Variants in ACAD8 observed in about 807,000 individuals in gnomAD.
The protein encoded by ACAD8 is acyl-CoA dehydrogenase family member 8, also known as isobutyryl-CoA dehydrogenase, mitochondrial.
In ACAD8, 47 loss-of-function variants were observed where a neutral mutation model predicts 53.1. The observed-to-expected ratio is 0.89, with a 90% CI of 0.70 to 1.13. ACAD8 has a LOEUF of 1.13. Ranked by LOEUF, ACAD8 falls within the 50% of genes most tolerant of loss-of-function variation. The pLI is 0.00. For missense variants in ACAD8, 494 were observed against 535.0 expected, an observed-to-expected ratio of 0.92 and a Z score of 0.76; for synonymous variants, 198 against 201.3, an observed-to-expected ratio of 0.98 and a Z score of 0.14.
At chr11:134,256,758 C>T (rs555050559) in intron 2 of ACAD8, 110 bp downstream of exon 2, 3 of 974,840 alleles carry the variant, frequency 3.1e-6, no homozygotes, top group Non-Finnish European at 4.6e-6. Flanking sequence ...CTTACCAACT[C>T]TTACTGCAAG....
chr11:134,258,643 A>C lies in ACAD8; in HGVS notation c.490+19A>C. 1 of 1,551,734 alleles carries C rather than the reference A, an allele frequency of 6.4e-7. No homozygotes were observed. The highest frequency in any genetic ancestry group is 8.9e-7 in the Non-Finnish European group (1 of 1,124,784). On this transcript the variant is annotated intron_variant, in intron 4 of 10. Coordinates refer to ENST00000281182, the MANE Select transcript of ACAD8 (RefSeq NM_014384.3). Reference sequence around the variant, plus strand: ...GAACCAGGTGAATTTGCCACACTGCACTGAGATATAGCAGGGAGAGATGCT... The same window carrying C: ...GAACCAGGTGAATTTGCCACACTGCCCTGAGATATAGCAGGGAGAGATGCT...
intron 1 of ACAD8, 126 bp downstream of exon 1, chr11:134,253,835 C>T (rs1231194365): frequency 8.9e-6 from 9 of 1,007,972 alleles, no homozygotes; most frequent in African/African-American, 1.6e-5. Context: ...CGGCCAGTCA[C>T]CCCCCCGGCC....
intron 5 of ACAD8, 54 bp downstream of exon 5, chr11:134,259,138 T>C (rs1253433347): frequency 1.3e-6 from 2 of 1,510,384 alleles, no homozygotes; most frequent in Admixed American, 3.3e-5. Flanking sequence ...AGCTTCCTCC[T>C]GACATCCTCT....
In ACAD8 at chr11:134,261,580, C is replaced by T. The variant is rs1431694852; in HGVS notation, c.940-158C>T. The T allele has an allele frequency of 1.9e-6, 3 of 1,541,724 alleles. No individual in the cohort carries two copies. Among genetic ancestry groups the T allele is most frequent in the Non-Finnish European group, 2.6e-6 (3 of 1,147,982 alleles). ...TCGGGTGAGTGAAGTGGACTTAGCA[C>T]TTAAAAGCAATAAATTTCCTCTATA... On this transcript the variant is annotated intron_variant, in intron 8 of 10. Transcript: ENST00000281182. This position sits in a 1 kb window ranked among gnomAD's most constrained non-coding sequence, Gnocchi z 4.2.
At chr11:134,260,880 C>A in intron 6 of ACAD8, 164 bp from the exon 7 acceptor site, 2 of 729,148 alleles carry the variant, frequency 2.7e-6, no homozygotes, top group Non-Finnish European at 2.3e-6. Context: ...TTTCTGAGTG[C>A]TGACAGGCCT....
In ACAD8 at chr11:134,258,527, G is replaced by C; in HGVS notation, c.393G>C (p.Trp131Cys). The change falls in exon 4 of 11, where the codon TGG becomes TGC. Residue 131 changes from tryptophan to cysteine, a missense_variant. By Grantham distance (215) the Trp-to-Cys change is radical. Coordinates refer to ENST00000281182, the MANE Select transcript of ACAD8 (RefSeq NM_014384.3). ...GTGTACCTATCAGCATGTGTGCCTG[G>C]ATGATTGATAGCTTCGGAAATGAGG... Reference protein sequence around the residue: ...AYISIHNMCAWMIDSFGNEEQ... With the variant: ...AYISIHNMCACMIDSFGNEEQ... The C allele has an allele frequency of 1.9e-6, 3 of 1,612,988 alleles. No homozygotes were observed. The highest frequency in any genetic ancestry group is 1.7e-6 in the Non-Finnish European group (2 of 1,179,286).
chr11:134,253,754 G>A (rs1212336607), intron 1 of ACAD8, 45 bp downstream of exon 1: 17 of 1,532,376 alleles, frequency 1.1e-5, no homozygotes, highest in African/African-American at 4.1e-5. Context: ...CCAGAACCCC[G>A]GCGGACATAT....
In ACAD8 at chr11:134,253,721, C is replaced by T. The variant is rs1939265874; in HGVS notation, c.109+12C>T. 1.9e-6 allele frequency: 3 copies of T among 1,583,360 alleles called. No homozygotes were observed. The highest frequency in any genetic ancestry group is 2.7e-5 in the African/African-American group (2 of 74,248). ...CTCCTGCATCGACCGTAAGGATCTC[C>T]TGGCGGGCAGTAGGACAGGTGTCCA... On this transcript the variant is annotated intron_variant, in intron 1 of 10. Coordinates refer to ENST00000281182, the MANE Select transcript of ACAD8 (RefSeq NM_014384.3).
chr11:134,262,047 T>A, intron 9 of ACAD8, 157 bp downstream of exon 9: 1 of 873,758 alleles, frequency 1.1e-6, no homozygotes, highest in Non-Finnish European at 1.8e-6. Flanking sequence ...GAGCGGCCTA[T>A]GTGGGAGCTC....
At chr11:134,258,215 C>A in intron 3 of ACAD8, 1 of 428,578 alleles carries the variant, frequency 2.3e-6, no homozygotes, top group Non-Finnish European at 4.4e-6. Flanking sequence ...ATAGAAACTA[C>A]TAATAGAAAG....
At chr11:134,254,346 G>A (rs1000054002) in intron 1 of ACAD8, among the ~76,000 whole-genome samples, 58 of 152,152 alleles carry the variant, frequency 3.8e-4, no homozygotes, top group Admixed American at 3.7e-3. Context: ...AATTATTATT[G>A]CCAGTGGGAA....
At position 134,261,666 on chromosome 11, in the gene ACAD8, A is replaced by G. The variant is rs1027280394; in HGVS notation, c.940-72A>G. The G allele has an allele frequency of 1.2e-6, 2 of 1,605,456 alleles. No homozygotes were observed. Among genetic ancestry groups the G allele is most frequent in the African/African-American group, 2.7e-5 (2 of 74,860 alleles). On this transcript the variant is annotated intron_variant, in intron 8 of 10. Coordinates refer to ENST00000281182, the MANE Select transcript of ACAD8 (RefSeq NM_014384.3). This position sits in a 1 kb window ranked among gnomAD's most constrained non-coding sequence, Gnocchi z 4.2. ...AGAAAAGGCGCCTCCGAGATGTCTTACCGAGGCTCCTGCACCAGGTGCTGG... is the reference window on the plus strand; with the variant it reads ...AGAAAAGGCGCCTCCGAGATGTCTTGCCGAGGCTCCTGCACCAGGTGCTGG...
Position 134,257,075 on chromosome 11 carries a change from C to T in ACAD8, c.211-13C>T, listed in dbSNP as rs1939575847. The T allele has an allele frequency of 1.9e-6, 3 of 1,614,012 alleles. No homozygotes were observed. The highest frequency in any genetic ancestry group is 4.5e-5 in the East Asian group (2 of 44,878). On this transcript the variant is annotated splice_polypyrimidine_tract_variant and intron_variant, in intron 2 of 10. Coordinates refer to ENST00000281182, the MANE Select transcript of ACAD8 (RefSeq NM_014384.3). ...AATCAGCTGCTGATCACCCTGCTCT[C>T]TTTTGTACATAGGAGCTGTTCCCAG...
Position 134,258,538 on chromosome 11 carries a change from G to C in ACAD8, c.404G>C (p.Ser135Thr), listed in dbSNP as rs140515698. ...AGCATGTGTGCCTGGATGATTGATA[G>C]CTTCGGAAATGAGGAACAGAGGCAC... Reference protein sequence around the residue: ...IHNMCAWMIDSFGNEEQRHKF... With the variant: ...IHNMCAWMIDTFGNEEQRHKF... The change falls in exon 4 of 11, where the codon AGC (serine) becomes ACC (threonine). Residue 135 changes from serine to threonine, a missense_variant. Coordinates refer to ENST00000281182, the MANE Select transcript of ACAD8 (RefSeq NM_014384.3). 38 of 1,613,400 alleles carry C rather than the reference G, an allele frequency of 2.4e-5. No individual in the cohort carries two copies. The African/African-American group carries it at 4.5e-4, about 19-fold the overall frequency.
chr11:134,257,270 G>A lies in ACAD8; in HGVS notation c.380+13G>A. On this transcript the variant is annotated intron_variant, in intron 3 of 10. Coordinates refer to ENST00000281182, the MANE Select transcript of ACAD8 (RefSeq NM_014384.3). ...TAAGCATCCACAAGTGAGTGCCCAAGCTTGGAAGGCACAATGAAGTGCTCA... is the reference window on the plus strand; with the variant it reads ...TAAGCATCCACAAGTGAGTGCCCAAACTTGGAAGGCACAATGAAGTGCTCA... The A allele has an allele frequency of 6.2e-7, 1 of 1,613,992 alleles. No homozygotes were observed. The highest frequency in any genetic ancestry group is 8.5e-7 in the Non-Finnish European group (1 of 1,180,026).
intron 1 of ACAD8, among the ~76,000 whole-genome samples, chr11:134,253,915 C>T (rs1343621360): frequency 1.3e-5 from 2 of 151,186 alleles, no homozygotes; most frequent in African/African-American, 2.4e-5. Flanking sequence ...CATCCGGGTC[C>T]CCATCTGGCC....
chr11:134,262,847 C>A, intron 10 of ACAD8: 1 of 1,427,472 alleles, frequency 7.0e-7, no homozygotes, highest in Non-Finnish European at 9.3e-7. Context: ...TCTGCTGCTG[C>A]CCTTTTCCTC....
intron 10 of ACAD8, chr11:134,264,141 TC>T: frequency 6.3e-6 from 5 of 792,782 alleles, no homozygotes; most frequent in Non-Finnish European, 7.6e-6. Context: ...GGCCAGGAGT[TC>T]GAGACCAGCT....
rs765617383 is a variant in ACAD8, at chr11:134,261,604, T to C, written c.940-134T>C. The C allele has an allele frequency of 3.2e-6, 5 of 1,550,160 alleles. No individual in the cohort carries two copies. The Admixed American group carries it at 5.8e-5, about 18-fold the overall frequency. On this transcript the variant is annotated intron_variant, in intron 8 of 10. Coordinates refer to ENST00000281182, the MANE Select transcript of ACAD8 (RefSeq NM_014384.3). The surrounding 1 kb of genome is among the most constrained non-coding windows in gnomAD (Gnocchi z 4.2). ...ACTTAAAAGCAATAAATTTCCTCTA[T>C]AGAAAAAGCAAGAGACTTTGAAGCT...
Sources: allele counts gnomAD v4.1 joint callset (sites outside exome capture counted in the v4.1 genomes callset), GRCh38; gene constraint gnomAD v4.1.1; non-coding constraint Gnocchi (gnomAD v3.1); transcripts MANE v1.5; gene names NCBI Gene and HGNC (gene_info 2026-07-23, HGNC 2026-07-21).